ARB2A: variants seen among roughly 807,000 people sequenced by gnomAD.
ARB2A encodes the protein cotranscriptional regulator ARB2A.
the ARB2A span, among the ~76,000 whole-genome samples, chr5:93,885,209 C>T: frequency 2.6e-5 from 4 of 151,452 alleles, no homozygotes. Flanking sequence ...GCTAGTGTGA[C>T]CTTTCATGAA....
At chr5:93,879,204 C>G in the ARB2A span, among the ~76,000 whole-genome samples, 1 of 151,936 alleles carries the variant, frequency 6.6e-6, no homozygotes, top group Non-Finnish European at 1.5e-5. Flanking sequence ...AATTAATACA[C>G]CTCACACAAA....
the ARB2A span, chr5:93,805,098 T>A: frequency 1.0e-6 from 1 of 971,300 alleles, no homozygotes; most frequent in Non-Finnish European, 1.2e-6. Context: ...GTTACCATGG[T>A]GTTATTAGAA....
At chr5:94,090,840 A>C in the ARB2A span, among the ~76,000 whole-genome samples, 1 of 152,196 alleles carries the variant, frequency 6.6e-6, no homozygotes, top group Non-Finnish European at 1.5e-5. Flanking sequence ...TGATTTGTGT[A>C]TGTTGAACCA....
the ARB2A span, among the ~76,000 whole-genome samples, chr5:94,013,487 T>C: frequency 6.6e-6 from 1 of 152,156 alleles, no homozygotes; most frequent in Admixed American, 6.5e-5. Flanking sequence ...GTAAGTTGTT[T>C]CTTTATCTGC....
the ARB2A span, among the ~76,000 whole-genome samples, chr5:93,629,516 G>A: frequency 6.7e-6 from 1 of 150,016 alleles, no homozygotes; most frequent in African/African-American, 2.5e-5. Flanking sequence ...AATAAAACAA[G>A]GTATGCCTGT....
the ARB2A span, among the ~76,000 whole-genome samples, chr5:94,056,576 T>C: frequency 6.6e-6 from 1 of 152,172 alleles, no homozygotes; most frequent in Non-Finnish European, 1.5e-5. Flanking sequence ...GCATCAGATA[T>C]GACACGACTG....
At chr5:93,985,589 G>A in the ARB2A span, among the ~76,000 whole-genome samples, 3 of 152,152 alleles carry the variant, frequency 2.0e-5, no homozygotes, top group African/African-American at 7.2e-5. Flanking sequence ...ACGCCTGACT[G>A]GATTTTGTAT....
chr5:93,913,268 C>T, the ARB2A span, among the ~76,000 whole-genome samples: 314 of 151,958 alleles, frequency 2.1e-3, 2 homozygotes, highest in African/African-American at 7.1e-3. Context: ...GATTTTCTGT[C>T]GGCCAGGAGA....
chr5:93,893,029 C>T, the ARB2A span, among the ~76,000 whole-genome samples: 5 of 152,040 alleles, frequency 3.3e-5, no homozygotes, highest in South Asian at 2.1e-4. Flanking sequence ...GCAACAGTTC[C>T]GATTAAATTG....
the ARB2A span, among the ~76,000 whole-genome samples, chr5:93,980,338 G>T: frequency 1.3e-5 from 2 of 152,152 alleles, no homozygotes; most frequent in African/African-American, 4.8e-5. Context: ...CAGTCTAGCT[G>T]AGGTTGTAGA....
At chr5:93,795,048 G>C in the ARB2A span, among the ~76,000 whole-genome samples, 1 of 152,128 alleles carries the variant, frequency 6.6e-6, no homozygotes, top group Non-Finnish European at 1.5e-5. Context: ...TGGCTACCAG[G>C]GTGAGTAGAG....
the ARB2A span, among the ~76,000 whole-genome samples, chr5:93,653,352 C>CA: frequency 1.8e-4 from 26 of 145,074 alleles, no homozygotes; most frequent in Admixed American, 4.8e-4. Context: ...ACTAAAAATA[C>CA]AAAAAAAAAA....
the ARB2A span, among the ~76,000 whole-genome samples, chr5:93,960,664 T>C: frequency 6.6e-6 from 1 of 152,180 alleles, no homozygotes; most frequent in East Asian, 1.9e-4. Context: ...TTTAACTAAA[T>C]AATGGATCCT....
the ARB2A span, among the ~76,000 whole-genome samples, chr5:93,872,183 A>G: frequency 6.6e-6 from 1 of 151,964 alleles, no homozygotes; most frequent in South Asian, 2.1e-4. Context: ...CCTGACTTCA[A>G]GTGATCCGCC....
chr5:94,063,436 A>C, the ARB2A span, among the ~76,000 whole-genome samples: 1 of 152,174 alleles, frequency 6.6e-6, no homozygotes, highest in African/African-American at 2.4e-5. Flanking sequence ...GGTTAGTCCT[A>C]CTACTGCTAC....
At chr5:93,687,672 G>GCA in the ARB2A span, among the ~76,000 whole-genome samples, 2 of 152,070 alleles carry the variant, frequency 1.3e-5, no homozygotes, top group Admixed American at 6.6e-5. Flanking sequence ...TCAAGTTATA[G>GCA]GACAATGTGC....
At chr5:93,796,953 C>T in the ARB2A span, among the ~76,000 whole-genome samples, 2 of 152,154 alleles carry the variant, frequency 1.3e-5, no homozygotes, top group South Asian at 4.1e-4. Flanking sequence ...TAGCTACTTA[C>T]CTCTATGTAT....
At chr5:94,033,629 T>C in the ARB2A span, among the ~76,000 whole-genome samples, 1 of 152,280 alleles carries the variant, frequency 6.6e-6, no homozygotes, top group Middle Eastern at 3.4e-3. Context: ...TTCACCATGT[T>C]GGCCAGGCTG....
At chr5:93,823,132 C>T in the ARB2A span, among the ~76,000 whole-genome samples, 6 of 152,112 alleles carry the variant, frequency 3.9e-5, no homozygotes, top group Non-Finnish European at 8.8e-5. Flanking sequence ...GCACTTTTAT[C>T]AAATTAACTA....
Sources: allele counts gnomAD v4.1 joint callset (sites outside exome capture counted in the v4.1 genomes callset), GRCh38; gene constraint gnomAD v4.1.1; transcripts MANE v1.5; gene names NCBI Gene and HGNC (gene_info 2026-07-23, HGNC 2026-07-21).